Variants in GNA12 observed in about 807,000 individuals in gnomAD.
The protein encoded by GNA12 is G protein subunit alpha 12.
Under a neutral mutation model 26.0 loss-of-function variants are expected in GNA12, and 9 were observed. The ratio of observed to expected loss-of-function variants is 0.35; its 90% CI spans 0.21 to 0.60. The LOEUF (loss-of-function observed/expected upper bound fraction) is 0.60, where lower values mean the gene tolerates loss of function less well. GNA12 is among the 20% of genes least tolerant of loss of function. The pLI is 0.78. For missense variants in GNA12, 405 were observed against 525.8 expected (o/e 0.77, Z 2.25); for synonymous variants, 264 against 219.6 (o/e 1.20, Z -1.79).
chr7:2,764,932 G>C (rs766589379), intron 2 of GNA12: 8 of 152,254 alleles, frequency 5.3e-5, no homozygotes, highest in Non-Finnish European at 1.2e-4. Context: ...AATGCACAAA[G>C]CGTTGAGGTA....
In GNA12 at chr7:2,730,937, ACAT is replaced by A; in HGVS notation, c.*241_*243del. The A allele has an allele frequency of 2.0e-6, 1 of 507,066 alleles. No homozygotes were observed. Among genetic ancestry groups the A allele is most frequent in the Non-Finnish European group, 3.6e-6 (1 of 280,814 alleles). The allele number at this position is 507,066 out of a possible 1,614,324, so 31.4% of individuals were successfully genotyped here. A position where few individuals can be genotyped will look rare whatever the true frequency, so the allele number is the denominator to read the frequency against. ...TGTGATTAGGTGTTCCGTATTCACA[ACAT>A]CATCACTCGGATTTTCAGTAGTTTC... On this transcript the variant is annotated 3_prime_UTR_variant, in exon 4 of 4. Transcript: ENST00000275364.
rs184104702 is a variant in GNA12, at chr7:2,839,604, G to C, written c.309+4249C>G. Among the ~76,000 whole-genome samples the C allele has an allele frequency of 1.1e-3, 171 of 152,242 alleles. 1 individual carries two copies. Among genetic ancestry groups the C allele is most frequent in the African/African-American group, 3.9e-3 (161 of 41,526 alleles). The stretch of plus-strand genomic sequence containing the variant: ...TCACCATATTGCCCAGGTTGGTCTT[G>C]AACTCCTGGGTTCAAGCAATCTGCC... On this transcript the variant is annotated intron_variant, in intron 1 of 3. Coordinates refer to ENST00000275364, the MANE Select transcript of GNA12 (RefSeq NM_007353.3).
Position 2,747,512 on chromosome 7 carries a change from G to A in GNA12, c.526-14011C>T, listed in dbSNP as rs549363987. Among the ~76,000 whole-genome samples the A allele has an allele frequency of 1.8e-3, 279 of 152,238 alleles. 3 individuals are homozygous for A. Among genetic ancestry groups the A allele is most frequent in the African/African-American group, 6.3e-3 (260 of 41,552 alleles). Reference sequence around the variant, plus strand: ...CTCTCAACAAATTAGGTATTGATGGGACGTATCTCAAAATAATAAGAGCTA... The same window carrying A: ...CTCTCAACAAATTAGGTATTGATGGAACGTATCTCAAAATAATAAGAGCTA... On this transcript the variant is annotated intron_variant, in intron 2 of 3. Transcript: ENST00000275364.
intron 2 of GNA12, chr7:2,763,285 T>C (rs1208221434): frequency 4.6e-6 from 1 of 215,318 alleles, no homozygotes; most frequent in Admixed American, 6.5e-5. Flanking sequence ...GTGGGAGGAG[T>C]GCTGTGAGGC....
chr7:2,787,539 C>A (rs974960087), intron 2 of GNA12, among the ~76,000 whole-genome samples: 1 of 152,144 alleles, frequency 6.6e-6, no homozygotes, highest in African/African-American at 2.4e-5. Flanking sequence ...CACTCTTCTC[C>A]CTTCCCCCAG....
intron 2 of GNA12, among the ~76,000 whole-genome samples, chr7:2,765,374 T>G (rs1791759899): frequency 6.6e-6 from 1 of 152,104 alleles, no homozygotes; most frequent in Non-Finnish European, 1.5e-5. Context: ...TTAGCCAGGA[T>G]GGTCTAGATC....
intron 2 of GNA12, among the ~76,000 whole-genome samples, chr7:2,741,622 TAC>T (rs2115329310): frequency 6.6e-6 from 1 of 152,256 alleles, no homozygotes; most frequent in Admixed American, 6.5e-5. Context: ...AAAGAGCTCA[TAC>T]AGTCTTTCTC....
At chr7:2,830,451 G>T (rs967350681) in intron 1 of GNA12, among the ~76,000 whole-genome samples, 2 of 152,208 alleles carry the variant, frequency 1.3e-5, no homozygotes, top group Non-Finnish European at 2.9e-5. Flanking sequence ...CGCAGGGGAG[G>T]TGGCCCTACA....
intron 1 of GNA12, chr7:2,814,288 G>C: frequency 1.6e-6 from 2 of 1,218,614 alleles, no homozygotes; most frequent in Non-Finnish European, 2.4e-6. Flanking sequence ...CTGTGGCCGA[G>C]GAGTTGAACG....
chr7:2,762,949 C>G (rs1464552556), intron 2 of GNA12: 2 of 1,374,204 alleles, frequency 1.5e-6, no homozygotes, highest in Non-Finnish European at 1.9e-6. Context: ...CCCGTGGGGC[C>G]CGTGCCAGGG....
At chr7:2,733,289 T>TA (rs1485462550) in intron 3 of GNA12, among the ~76,000 whole-genome samples, 162 bp downstream of exon 3, 2 of 152,132 alleles carry the variant, frequency 1.3e-5, no homozygotes, top group African/African-American at 2.4e-5. Flanking sequence ...GGGGCCCAGA[T>TA]CCAAGTGAGA....
intron 1 of GNA12, among the ~76,000 whole-genome samples, chr7:2,800,876 C>A (rs1792793414): frequency 1.3e-5 from 2 of 152,200 alleles, no homozygotes; most frequent in African/African-American, 4.8e-5. Flanking sequence ...CTCCCCACTT[C>A]CTTTGACTAC....
At chr7:2,761,186 C>T (rs1270501934) in intron 2 of GNA12, among the ~76,000 whole-genome samples, 1 of 152,224 alleles carries the variant, frequency 6.6e-6, no homozygotes, top group Non-Finnish European at 1.5e-5. Context: ...CCGTGCACGG[C>T]ACTGCGCAAA....
chr7:2,735,667 T>C (rs1199893176), intron 2 of GNA12, among the ~76,000 whole-genome samples: 2 of 152,182 alleles, frequency 1.3e-5, no homozygotes, highest in African/African-American at 4.8e-5. Context: ...TGAATGAGGA[T>C]GGCTCATTTA....
chr7:2,802,878 G>C (rs906039037), intron 1 of GNA12, among the ~76,000 whole-genome samples: 2 of 152,218 alleles, frequency 1.3e-5, no homozygotes, highest in South Asian at 2.1e-4. Flanking sequence ...AGAAACTGAC[G>C]AAGGGAGGCA....
chr7:2,759,550 T>G lies in GNA12; in HGVS notation c.526-26049A>C, dbSNP rs798492. Among the ~76,000 whole-genome samples the G allele has an allele frequency of 9.9e-5, 15 of 152,138 alleles. No homozygotes were observed. In the South Asian group the frequency reaches 3.1e-3, roughly 32 times the overall value. ...AGGAAAGGAATAATTAGCCAAATACTAGAATAGTGGTGACGCTGGGGTGGC... is the reference window on the plus strand; with the variant it reads ...AGGAAAGGAATAATTAGCCAAATACGAGAATAGTGGTGACGCTGGGGTGGC... On this transcript the variant is annotated intron_variant, in intron 2 of 3. Transcript: ENST00000275364.
intron 1 of GNA12, among the ~76,000 whole-genome samples, chr7:2,805,877 C>G (rs879633731): frequency 3.9e-5 from 6 of 152,088 alleles, no homozygotes; most frequent in Non-Finnish European, 8.8e-5. Flanking sequence ...TGGCTCTGTC[C>G]CAGCCACGAG....
chr7:2,791,535 G>C (rs758818869), intron 2 of GNA12, among the ~76,000 whole-genome samples: 2 of 152,164 alleles, frequency 1.3e-5, no homozygotes, highest in African/African-American at 2.4e-5. Context: ...AAAGCAAGAC[G>C]GCAGAGGGAA....
chr7:2,741,536 T>C (rs1790504189), intron 2 of GNA12, among the ~76,000 whole-genome samples: 1 of 152,166 alleles, frequency 6.6e-6, no homozygotes, highest in Non-Finnish European at 1.5e-5. Flanking sequence ...CCAGCCTTTG[T>C]AGTAGCCAGA....
Sources: allele counts gnomAD v4.1 joint callset (sites outside exome capture counted in the v4.1 genomes callset), GRCh38; gene constraint gnomAD v4.1.1; transcripts MANE v1.5; gene names NCBI Gene and HGNC (gene_info 2026-07-23, HGNC 2026-07-21).